Variants in IL36B observed in about 807,000 individuals in gnomAD.
IL36B encodes the protein interleukin 36 beta.
In IL36B, 23 loss-of-function variants were observed where a neutral mutation model predicts 19.3. That is an observed-to-expected ratio of 1.19 (90% CI 0.86 to 1.69). IL36B has a LOEUF of 1.69. Ranked by LOEUF, IL36B falls within the 40% of genes most tolerant of loss-of-function variation. The probability of loss-of-function intolerance (pLI) is 0.00; values close to 1 mark genes in which losing one functional copy is unlikely to be tolerated. For synonymous variants in IL36B, 59 were observed against 59.7 expected, an observed-to-expected ratio of 0.99 and a Z score of 0.05; for missense variants, 217 against 200.5, an observed-to-expected ratio of 1.08 and a Z score of -0.50.
intron 1 of IL36B, among the ~76,000 whole-genome samples, chr2:113,046,201 G>GTTTT (rs779577764): frequency 6.9e-6 from 1 of 145,038 alleles, no homozygotes; most frequent in African/African-American, 2.6e-5. Context: ...GTTTCTTCAG[G>GTTTT]TTTTTTCTTT....
chr2:113,024,510 C>G (rs570689450), intron 5 of IL36B, among the ~76,000 whole-genome samples: 1 of 152,250 alleles, frequency 6.6e-6, no homozygotes, highest in Admixed American at 6.5e-5. Context: ...TCTGTCATCC[C>G]GTGCCTTCTC....
intron 5 of IL36B, chr2:113,026,062 A>C: frequency 6.2e-7 from 1 of 1,604,930 alleles, no homozygotes. Flanking sequence ...GCATCTCAGA[A>C]TTGTCCACCT....
At chr2:113,029,654 T>G (rs1293368833) in intron 3 of IL36B, among the ~76,000 whole-genome samples, 8 of 152,160 alleles carry the variant, frequency 5.3e-5, no homozygotes, top group Non-Finnish European at 8.8e-5. Context: ...TAGTCCCACT[T>G]GGGATACATG....
At chr2:113,024,217 C>T (rs542170466) in intron 5 of IL36B, among the ~76,000 whole-genome samples, 20 of 152,246 alleles carry the variant, frequency 1.3e-4, no homozygotes, top group South Asian at 4.1e-4. Context: ...GACCGTGACT[C>T]TTGCTTAAGA....
Position 113,031,686 on chromosome 2 carries a change from T to G in IL36B, c.13+11A>C, listed in dbSNP as rs765333587. On this transcript the variant is annotated intron_variant, in intron 2 of 5. Transcript: ENST00000259213. ...AGATATTTCCAAGCTGATTTGCAAT[T>G]CACCACTTACGTTGTGGGTTCATGA... is the stretch of plus-strand genomic sequence containing the variant. 2.5e-6 allele frequency: 4 copies of G among 1,608,412 alleles called. No individual in the cohort carries two copies. The highest frequency in any genetic ancestry group is 1.7e-5 in the Admixed American group (1 of 59,992).
At chr2:113,033,276 A>G (rs1685111581) in intron 1 of IL36B, among the ~76,000 whole-genome samples, 1 of 152,208 alleles carries the variant, frequency 6.6e-6, no homozygotes, top group Non-Finnish European at 1.5e-5. Context: ...TCTGTCGCCA[A>G]GCTGGAGTGC....
rs760693679 is a variant in IL36B at position 113,022,153 on chromosome 2, TTTC to T, written c.*518_*520del. Reference sequence around the variant, plus strand: ...TATAGAATTTTTAAGAAGAAATGTCTTTCAATTACTTTTAATTGTATGTGTTCC... The same window carrying T: ...TATAGAATTTTTAAGAAGAAATGTCTAATTACTTTTAATTGTATGTGTTCC... On this transcript the variant is annotated 3_prime_UTR_variant, in exon 6 of 6. Coordinates refer to ENST00000259213, the MANE Select transcript of IL36B (RefSeq NM_014438.5). 1.3e-5 allele frequency: 2 copies of T among 152,270 alleles called. No homozygotes were observed. The highest frequency in any genetic ancestry group is 2.4e-5 in the African/African-American group (1 of 41,472). The allele number at this position is 152,270 out of a possible 1,614,324, so 9.4% of individuals were successfully genotyped here.
chr2:113,023,774 A>G (rs1383315061), intron 5 of IL36B, among the ~76,000 whole-genome samples: 1 of 152,148 alleles, frequency 6.6e-6, no homozygotes, highest in Admixed American at 6.5e-5. Flanking sequence ...CTTGTAAGTG[A>G]CTCAAACTAG....
intron 1 of IL36B, among the ~76,000 whole-genome samples, chr2:113,032,141 G>GTGTC (rs1392350952): frequency 6.7e-6 from 1 of 149,114 alleles, no homozygotes; most frequent in Non-Finnish European, 1.5e-5. Context: ...GTCTGTGTGT[G>GTGTC]TGTGTGTGTG....
At chr2:113,049,500 A>C (rs1336260346) in intron 1 of IL36B, among the ~76,000 whole-genome samples, 1 of 152,360 alleles carries the variant, frequency 6.6e-6, no homozygotes, top group South Asian at 2.1e-4. Flanking sequence ...CATTTCTCCA[A>C]ATAATATATA....
At chr2:113,036,073 T>C (rs1685163250) in intron 1 of IL36B, among the ~76,000 whole-genome samples, 1 of 152,136 alleles carries the variant, frequency 6.6e-6, no homozygotes, top group Non-Finnish European at 1.5e-5. Flanking sequence ...GCCTCCCAAG[T>C]AGCTGGAGTT....
chr2:113,033,164 G>A (rs1006711752), intron 1 of IL36B, among the ~76,000 whole-genome samples: 3 of 152,186 alleles, frequency 2.0e-5, no homozygotes, highest in African/African-American at 7.2e-5. Context: ...AATATTGAGA[G>A]CTTATTCTGT....
chr2:113,029,139 C>G, intron 3 of IL36B, 61 bp from the exon 4 acceptor site: 1 of 1,541,472 alleles, frequency 6.5e-7, no homozygotes, highest in Non-Finnish European at 8.8e-7. Flanking sequence ...CACTCAGTTA[C>G]TCCCCCCAGG....
chr2:113,040,613 G>A (rs1057258020), intron 1 of IL36B, among the ~76,000 whole-genome samples: 2 of 152,222 alleles, frequency 1.3e-5, no homozygotes, highest in Non-Finnish European at 2.9e-5. Context: ...ATCAGAAAAT[G>A]AAAGCAAAAA....
At chr2:113,041,117 C>A (rs969334041) in intron 1 of IL36B, among the ~76,000 whole-genome samples, 1 of 149,048 alleles carries the variant, frequency 6.7e-6, no homozygotes. Flanking sequence ...GATTGAGCCA[C>A]TGCACTCCAG....
At chr2:113,024,487 G>C (rs1361172043) in intron 5 of IL36B, among the ~76,000 whole-genome samples, 1 of 152,204 alleles carries the variant, frequency 6.6e-6, no homozygotes, top group Non-Finnish European at 1.5e-5. Context: ...TTCTGATACT[G>C]ATTGAACAGA....
intron 4 of IL36B, chr2:113,027,854 C>A (rs1418076346): frequency 6.2e-7 from 1 of 1,605,066 alleles, no homozygotes; most frequent in African/African-American, 1.3e-5. Context: ...ATGACTCTGA[C>A]AGCTTGATTC....
At chr2:113,024,177 A>T (rs1684911532) in intron 5 of IL36B, among the ~76,000 whole-genome samples, 1 of 152,098 alleles carries the variant, frequency 6.6e-6, no homozygotes, top group South Asian at 2.1e-4. Flanking sequence ...CCCTGTGAAA[A>T]ACCCACCATT....
intron 1 of IL36B, among the ~76,000 whole-genome samples, chr2:113,042,053 C>G (rs1435242645): frequency 6.6e-6 from 1 of 152,180 alleles, no homozygotes; most frequent in East Asian, 1.9e-4. Flanking sequence ...GAGAGCAGGA[C>G]TTCACCTCAT....
Sources: allele counts gnomAD v4.1 joint callset (sites outside exome capture counted in the v4.1 genomes callset), GRCh38; gene constraint gnomAD v4.1.1; transcripts MANE v1.5; gene names NCBI Gene and HGNC (gene_info 2026-07-23, HGNC 2026-07-21).